The following COL22A1 variants were observed in gnomAD, a reference collection of about 807,000 sequenced individuals.
COL22A1 encodes the protein collagen alpha-1(XXII) chain.
Under a neutral mutation model 248.9 loss-of-function variants are expected in COL22A1, and 221 were observed. The observed-to-expected ratio is 0.89, with a 90% confidence interval of 0.80 to 0.99. The LOEUF is 0.99. COL22A1 is among the 50% of genes least tolerant of loss of function. COL22A1 has a pLI of 0.00. For missense variants in COL22A1, 2,240 were observed against 2,179.0 expected, an observed-to-expected ratio of 1.03 and a Z score of -0.56; for synonymous variants, 891 against 793.4, an observed-to-expected ratio of 1.12 and a Z score of -2.07.
chr8:138,676,327 C>T (rs1332292452), intron 41 of COL22A1, among the ~76,000 whole-genome samples: 7 of 149,528 alleles, frequency 4.7e-5, no homozygotes, highest in African/African-American at 9.9e-5. Flanking sequence ...ACCTGGGAGG[C>T]GGAGGTTGCA....
At chr8:138,679,474 G>A (rs1587843410) in intron 40 of COL22A1, 143 bp downstream of exon 40, 1 of 713,136 alleles carries the variant, frequency 1.4e-6, no homozygotes, top group East Asian at 2.6e-5. Flanking sequence ...CCCTTGTCTG[G>A]GATCTTCTTC....
intron 41 of COL22A1, 72 bp from the exon 42 acceptor site, chr8:138,663,812 T>A: frequency 1.7e-6 from 2 of 1,191,360 alleles, no homozygotes; most frequent in African/African-American, 1.5e-5. Flanking sequence ...ATGGTGTTTA[T>A]TCCATAGACA....
At chr8:138,640,508 T>C (rs998746006) in intron 47 of COL22A1, among the ~76,000 whole-genome samples, 4 of 152,068 alleles carry the variant, frequency 2.6e-5, no homozygotes, top group Non-Finnish European at 5.9e-5. Flanking sequence ...AATTCCTAAC[T>C]AACCCTCCAA....
intron 47 of COL22A1, among the ~76,000 whole-genome samples, chr8:138,643,941 C>CT (rs1821972013): frequency 1.3e-5 from 2 of 152,018 alleles, no homozygotes; most frequent in African/African-American, 4.8e-5. Flanking sequence ...ACAACCATCC[C>CT]TGGATAATTT....
chr8:138,603,147 T>G (rs914008107), intron 59 of COL22A1, among the ~76,000 whole-genome samples: 11 of 152,186 alleles, frequency 7.2e-5, no homozygotes, highest in African/African-American at 2.7e-4. Flanking sequence ...TCGCATCCCT[T>G]TCATGCAGGT....
At chr8:138,677,205 CA>C (rs1825630243) in intron 40 of COL22A1, among the ~76,000 whole-genome samples, 1 of 152,210 alleles carries the variant, frequency 6.6e-6, no homozygotes. Flanking sequence ...GTTCTGGTTT[CA>C]ACACCTATTA....
At chr8:138,886,692 T>C (rs1824691253) in intron 1 of COL22A1, among the ~76,000 whole-genome samples, 1 of 152,146 alleles carries the variant, frequency 6.6e-6, no homozygotes, top group African/African-American at 2.4e-5. Context: ...TTTCAAGAAA[T>C]GGGCTAAGCA....
intron 7 of COL22A1, among the ~76,000 whole-genome samples, chr8:138,815,807 T>C (rs903706315): frequency 6.6e-6 from 1 of 152,130 alleles, no homozygotes; most frequent in African/African-American, 2.4e-5. Flanking sequence ...GAGCTTGAGC[T>C]CAGTCAGTGG....
chr8:138,754,930 A>G (rs1466381566), intron 21 of COL22A1, among the ~76,000 whole-genome samples: 1 of 152,226 alleles, frequency 6.6e-6, no homozygotes, highest in Admixed American at 6.5e-5. Context: ...CCACACTTCA[A>G]TCCCATTCCA....
intron 44 of COL22A1, among the ~76,000 whole-genome samples, chr8:138,658,886 TCTCTCTCTCTCC>T (rs1390200751): frequency 6.6e-6 from 1 of 151,840 alleles, no homozygotes; most frequent in African/African-American, 2.4e-5. Flanking sequence ...TTCTCTCTTC[TCTCTCTCTCTCC>T]CTCTCTCTCT....
intron 5 of COL22A1, chr8:138,827,124 G>A (rs1372937290): frequency 3.5e-6 from 1 of 286,828 alleles, no homozygotes; most frequent in Non-Finnish European, 6.9e-6. Context: ...GAGACACCCA[G>A]CTTCGCTGCT....
At chr8:138,644,356 T>G (rs1822010073) in intron 47 of COL22A1, among the ~76,000 whole-genome samples, 1 of 152,192 alleles carries the variant, frequency 6.6e-6, no homozygotes, top group Admixed American at 6.5e-5. Context: ...TTAAATTTTA[T>G]TCCCAAATCC....
intron 3 of COL22A1, among the ~76,000 whole-genome samples, chr8:138,845,192 T>C (rs992570274): frequency 3.9e-5 from 6 of 152,152 alleles, no homozygotes; most frequent in African/African-American, 1.4e-4. Flanking sequence ...CATAAATATG[T>C]TAAAGTCTTC....
intron 21 of COL22A1, 100 bp from the exon 22 acceptor site, chr8:138,751,611 G>T: frequency 1.4e-6 from 1 of 728,302 alleles, no homozygotes; most frequent in Non-Finnish European, 2.2e-6. Flanking sequence ...TCATTGAATA[G>T]TGTAATACCA....
chr8:138,806,763 C>G (rs1817764709), intron 10 of COL22A1, among the ~76,000 whole-genome samples: 1 of 152,188 alleles, frequency 6.6e-6, no homozygotes, highest in South Asian at 2.1e-4. Context: ...CGCCTGCTGT[C>G]TGAGGCACAG....
intron 12 of COL22A1, among the ~76,000 whole-genome samples, chr8:138,792,123 G>C (rs1047366408): frequency 1.8e-4 from 28 of 152,218 alleles, no homozygotes; most frequent in African/African-American, 6.3e-4. Context: ...CATTCCTGGT[G>C]GGTGTCAGGG....
At position 138,589,300 on chromosome 8, in the gene COL22A1, A is replaced by G. The variant is rs963012276; in HGVS notation, c.4834T>C (p.Tyr1612His). Reference protein sequence around the residue: ...PGQCDPSQCAYFASLAARPGN... With the variant: ...PGQCDPSQCAHFASLAARPGN... Reference sequence around the variant, plus strand: ...GGCCGGGCAGCAAGGCTGGCGAAGTAGGCACACTGGGAAGGGTCACATTGG... The same window carrying G: ...GGCCGGGCAGCAAGGCTGGCGAAGTGGGCACACTGGGAAGGGTCACATTGG... Residue 1612 changes from tyrosine (Y) to histidine (H), a missense_variant, in exon 65 of 65, where the codon TAC (tyrosine) becomes CAC (histidine). Coordinates refer to ENST00000303045, the MANE Select transcript of COL22A1 (RefSeq NM_152888.3). 18 of 1,613,900 alleles carry G rather than the reference A, an allele frequency of 1.1e-5. No homozygotes were observed. Among genetic ancestry groups the G allele is most frequent in the Non-Finnish European group, 1.5e-5 (18 of 1,179,858 alleles).
In COL22A1 at chr8:138,767,198, C is replaced by G. The variant is rs750878005; in HGVS notation, c.1804-4732G>C. Reference sequence around the variant, plus strand: ...GAGATGCTGACAATACTGCCTGGCACGTGGAAGGTGCGCATTAACAGTCAG... The same window carrying G: ...GAGATGCTGACAATACTGCCTGGCAGGTGGAAGGTGCGCATTAACAGTCAG... On this transcript the variant is annotated intron_variant, in intron 16 of 64. Transcript: ENST00000303045. 2.6e-5 allele frequency among the ~76,000 whole-genome samples: 4 copies of G among 152,128 alleles called. No individual in the cohort carries two copies. In the East Asian group the frequency reaches 7.7e-4, roughly 29 times the overall value.
chr8:138,755,646 C>A (rs1832937212), intron 19 of COL22A1, 135 bp from the exon 20 acceptor site: 7 of 1,341,004 alleles, frequency 5.2e-6, no homozygotes, highest in Non-Finnish European at 7.5e-6. Flanking sequence ...TCTGATTCTG[C>A]CCCATTTTTA....
Sources: allele counts gnomAD v4.1 joint callset (sites outside exome capture counted in the v4.1 genomes callset), GRCh38; gene constraint gnomAD v4.1.1; transcripts MANE v1.5; gene names NCBI Gene and HGNC (gene_info 2026-07-23, HGNC 2026-07-21).